ZFP1: variants seen among roughly 807,000 people sequenced by gnomAD.
The protein encoded by ZFP1 is ZFP1 zinc finger protein.
A neutral mutation model predicts 38.5 loss-of-function variants in ZFP1; 32 were observed. The ratio of observed to expected loss-of-function variants is 0.83; its 90% confidence interval spans 0.63 to 1.12. The LOEUF (loss-of-function observed/expected upper bound fraction) is 1.12, where lower values mean the gene tolerates loss of function less well. Ranked by LOEUF, ZFP1 falls within the 50% of genes most tolerant of loss-of-function variation. The probability of loss-of-function intolerance (pLI) is 0.00; values close to 1 mark genes in which losing one functional copy is unlikely to be tolerated. For synonymous variants in ZFP1, 245 were observed against 168.8 expected, an observed-to-expected ratio of 1.45 and a Z score of -3.50; for missense variants, 616 against 480.8, an observed-to-expected ratio of 1.28 and a Z score of -2.63.
intron 2 of ZFP1, among the ~76,000 whole-genome samples, chr16:75,157,929 G>A (rs1042006593): frequency 6.6e-6 from 1 of 151,614 alleles, no homozygotes; most frequent in Non-Finnish European, 1.5e-5. Context: ...CTACAGGCGT[G>A]TACCACCATG....
At chr16:75,164,809 G>GTT (rs35922943) in intron 2 of ZFP1, among the ~76,000 whole-genome samples, 6 of 31,542 alleles carry the variant, frequency 1.9e-4, no homozygotes, top group East Asian at 5.4e-4. Flanking sequence ...GTTTCCATAA[G>GTT]TTTTTTTTTT....
chr16:75,167,291 G>A (rs1051017214), intron 3 of ZFP1, among the ~76,000 whole-genome samples: 1 of 152,136 alleles, frequency 6.6e-6, no homozygotes. Flanking sequence ...ATACTTTTCA[G>A]CAATCTGTTT....
At chr16:75,127,546 C>T in the ZFP1 span, among the ~76,000 whole-genome samples, 1 of 152,108 alleles carries the variant, frequency 6.6e-6, no homozygotes, top group Admixed American at 6.6e-5. Flanking sequence ...GTCTTGAACT[C>T]CTGGCCTCAA....
At chr16:75,143,810 C>G (rs988261586), upstream of ZFP1, among the ~76,000 whole-genome samples, 2 of 151,906 alleles carry the variant, frequency 1.3e-5, no homozygotes, top group Admixed American at 6.6e-5. Context: ...TGCCACTGCG[C>G]CCACCTAATT....
At chr16:75,121,563 A>G in the ZFP1 span, among the ~76,000 whole-genome samples, 1 of 152,218 alleles carries the variant, frequency 6.6e-6, no homozygotes, top group Non-Finnish European at 1.5e-5. Flanking sequence ...ATATGCAAAC[A>G]TAAGGCTAGT....
chr16:75,166,922 C>T (rs1457630854), intron 3 of ZFP1, 26 bp downstream of exon 3: 10 of 1,608,456 alleles, frequency 6.2e-6, no homozygotes, highest in East Asian at 2.2e-5. Flanking sequence ...AGGTACAGCT[C>T]ACCATGTGCC....
chr16:75,155,512 CT>C (rs370831551), intron 2 of ZFP1, among the ~76,000 whole-genome samples: 14 of 152,118 alleles, frequency 9.2e-5, no homozygotes, highest in East Asian at 1.9e-4. Flanking sequence ...GTTGCTCATT[CT>C]TTTTTTTCCT....
intron 2 of ZFP1, among the ~76,000 whole-genome samples, chr16:75,166,047 G>C (rs1037738671): frequency 2.0e-5 from 3 of 152,150 alleles, no homozygotes; most frequent in African/African-American, 4.8e-5. Flanking sequence ...TGAGGGGATG[G>C]AAGGACAGAG....
At chr16:75,143,101 A>T in the ZFP1 span, among the ~76,000 whole-genome samples, 1 of 152,236 alleles carries the variant, frequency 6.6e-6, no homozygotes, top group Non-Finnish European at 1.5e-5. Context: ...AATCCAGACC[A>T]TATAGAATTT....
the ZFP1 span, among the ~76,000 whole-genome samples, chr16:75,135,114 G>C: frequency 6.8e-6 from 1 of 146,706 alleles, no homozygotes; most frequent in African/African-American, 2.5e-5. Flanking sequence ...GAAGGCTGAC[G>C]TAGAAGGATT....
chr16:75,166,662 CGTT>C (rs555997915), intron 2 of ZFP1, 105 bp from the exon 3 acceptor site: 168 of 1,571,816 alleles, frequency 1.1e-4, no homozygotes, highest in Non-Finnish European at 1.4e-4. Context: ...CAAGATGTAT[CGTT>C]GGTGTAATAT....
intron 2 of ZFP1, 84 bp from the exon 3 acceptor site, chr16:75,166,686 A>G (rs1245038751): frequency 3.8e-6 from 6 of 1,597,402 alleles, no homozygotes; most frequent in Non-Finnish European, 5.1e-6. Flanking sequence ...ATAGATTTTC[A>G]TGATGAATGA....
At chr16:75,129,318 G>C in the ZFP1 span, among the ~76,000 whole-genome samples, 4 of 152,130 alleles carry the variant, frequency 2.6e-5, no homozygotes, top group African/African-American at 9.7e-5. Context: ...TGAAACCTGA[G>C]ATCAGAGACT....
chr16:75,159,399 C>G (rs1361006964), intron 2 of ZFP1, among the ~76,000 whole-genome samples: 3 of 61,860 alleles, frequency 4.8e-5, no homozygotes, highest in African/African-American at 1.7e-4. Flanking sequence ...CTCTCTCTCT[C>G]TCACTTTTCA....
intron 2 of ZFP1, among the ~76,000 whole-genome samples, chr16:75,161,776 T>TATATATATATATATA (rs1225483116): frequency 6.7e-4 from 3 of 4,474 alleles, no homozygotes; most frequent in African/African-American, 9.7e-4. Context: ...ATATATATAT[T>TATATATATATATATA]TTTTTTTTTT....
upstream of ZFP1, among the ~76,000 whole-genome samples, chr16:75,144,697 C>T (rs1013819750): frequency 6.6e-6 from 1 of 152,200 alleles, no homozygotes; most frequent in African/African-American, 2.4e-5. Context: ...AGCACTAACT[C>T]CCCATCCCTT....
chr16:75,163,484 G>A (rs974853251), intron 2 of ZFP1, among the ~76,000 whole-genome samples: 2 of 151,356 alleles, frequency 1.3e-5, no homozygotes, highest in South Asian at 4.2e-4. Context: ...GCTAATTTTT[G>A]TATTTTTAGT....
upstream of ZFP1, chr16:75,144,289 A>T (rs1390093509): frequency 6.6e-6 from 1 of 152,180 alleles, no homozygotes; most frequent in African/African-American, 2.4e-5. Flanking sequence ...ATAGTTTTTT[A>T]CAAAAATAGG....
the ZFP1 span, among the ~76,000 whole-genome samples, chr16:75,129,488 C>T: frequency 6.6e-6 from 1 of 152,166 alleles, no homozygotes; most frequent in Non-Finnish European, 1.5e-5. Context: ...CAAAGTCACC[C>T]CTCTGCTCAC....
Sources: allele counts gnomAD v4.1 joint callset (sites outside exome capture counted in the v4.1 genomes callset), GRCh38; gene constraint gnomAD v4.1.1; transcripts MANE v1.5; gene names NCBI Gene and HGNC (gene_info 2026-07-23, HGNC 2026-07-21).